STK17B: variants seen among roughly 807,000 people sequenced by gnomAD.
STK17B encodes serine/threonine kinase 17b, also known as serine/threonine-protein kinase 17B.
In STK17B, 21 loss-of-function variants were observed where a neutral mutation model predicts 42.0. The observed-to-expected ratio is 0.50, with a 90% CI of 0.35 to 0.72. The LOEUF (loss-of-function observed/expected upper bound fraction) is 0.72, where lower values mean the gene tolerates loss of function less well. Ranked by LOEUF, STK17B falls within the 30% of genes least tolerant of loss-of-function variation. The probability of loss-of-function intolerance (pLI) is 0.00; values close to 1 mark genes in which losing one functional copy is unlikely to be tolerated. For missense variants in STK17B, 349 were observed against 446.0 expected (o/e 0.78, Z 1.96); for synonymous variants, 143 against 148.4 (o/e 0.96, Z 0.26).
chr2:196,161,158 C>T (rs568829225), intron 2 of STK17B, among the ~76,000 whole-genome samples: 35 of 151,986 alleles, frequency 2.3e-4, no homozygotes, highest in African/African-American at 7.5e-4. Context: ...ACAGTTTGTT[C>T]GGGAAATTAT....
At chr2:196,154,668 T>C (rs957438809) in intron 3 of STK17B, 3 of 152,236 alleles carry the variant, frequency 2.0e-5, no homozygotes, top group African/African-American at 4.8e-5. Context: ...GACTGGGTGA[T>C]AGTTATTAAA....
chr2:196,138,627 G>C (rs562129126), intron 7 of STK17B, among the ~76,000 whole-genome samples: 49 of 151,780 alleles, frequency 3.2e-4, no homozygotes, highest in Non-Finnish European at 6.5e-4. Context: ...CCAGGCTGGA[G>C]TGCAGTGGTG....
chr2:196,134,823 C>G lies in STK17B; in HGVS notation c.*2624G>C. 1 of 152,212 alleles carries G rather than the reference C, an allele frequency of 6.6e-6. No individual in the cohort carries two copies. The highest frequency in any genetic ancestry group is 2.1e-4 in the South Asian group (1 of 4,838). The allele number at this position is 152,212 out of a possible 1,614,324, so 9.4% of individuals were successfully genotyped here. A position where few individuals can be genotyped will look rare whatever the true frequency, so the allele number is the denominator to read the frequency against. On this transcript the variant is annotated 3_prime_UTR_variant, in exon 8 of 8. Transcript: ENST00000263955. ...ACTGACATTTGTCCACTCACAGGGG[C>G]TCTCTAGATTCCTACTTTAGAGAAA...
Position 196,136,526 on chromosome 2 carries a change from T to A in STK17B, c.*921A>T, listed in dbSNP as rs1430217278. 6.6e-6 allele frequency: 1 copy of A among 152,382 alleles called. No individual in the cohort carries two copies. The highest frequency in any genetic ancestry group is 1.5e-5 in the Non-Finnish European group (1 of 68,040). The allele number at this position is 152,382 out of a possible 1,614,324, so 9.4% of individuals were successfully genotyped here. A position where few individuals can be genotyped will look rare whatever the true frequency, so the allele number is the denominator to read the frequency against. On this transcript the variant is annotated 3_prime_UTR_variant, in exon 8 of 8. Coordinates refer to ENST00000263955, the MANE Select transcript of STK17B (RefSeq NM_004226.4). ...GCATACTTTTAGAACTCTGAATGAC[T>A]GGCTTGTATTCTAAGATGCAGAAGA...
chr2:196,145,459 A>G (rs898650712), intron 4 of STK17B, among the ~76,000 whole-genome samples: 7 of 152,190 alleles, frequency 4.6e-5, no homozygotes, highest in African/African-American at 1.4e-4. Context: ...AGCCTGAACG[A>G]TCTGGAAGAA....
chr2:196,136,261 G>GA lies in STK17B; in HGVS notation c.*1185dup, dbSNP rs1177362589. On this transcript the variant is annotated 3_prime_UTR_variant, in exon 8 of 8. Transcript: ENST00000263955. ...CTAACTTTCCCCATCATTAGGGCTGGATATAGTCTCTAGCCATAAGCAAAC... is the reference window on the plus strand; with the variant it reads ...CTAACTTTCCCCATCATTAGGGCTGGAATATAGTCTCTAGCCATAAGCAAAC... The GA allele has an allele frequency of 6.6e-6, 1 of 152,156 alleles. No individual in the cohort carries two copies. Among genetic ancestry groups the GA allele is most frequent in the Non-Finnish European group, 1.5e-5 (1 of 68,046 alleles). The allele number at this position is 152,156 out of a possible 1,614,324, so 9.4% of individuals were successfully genotyped here.
intron 2 of STK17B, among the ~76,000 whole-genome samples, chr2:196,158,799 C>G (rs1304918105): frequency 2.6e-5 from 4 of 152,022 alleles, no homozygotes; most frequent in Non-Finnish European, 4.4e-5. Flanking sequence ...ATCCAGAGGT[C>G]AGGAGATCAA....
At chr2:196,166,740 C>T (rs941793411) in intron 1 of STK17B, among the ~76,000 whole-genome samples, 1 of 152,130 alleles carries the variant, frequency 6.6e-6, no homozygotes, top group Non-Finnish European at 1.5e-5. Flanking sequence ...TCTGGGCCTT[C>T]ACTTACTTGA....
At chr2:196,171,806 G>A (rs1699950355), upstream of STK17B, among the ~76,000 whole-genome samples, 1 of 148,430 alleles carries the variant, frequency 6.7e-6, no homozygotes, top group Admixed American at 6.7e-5. Context: ...CAGGTGGGGC[G>A]CACTCGGGCT....
At chr2:196,164,766 C>T (rs772712002) in intron 1 of STK17B, among the ~76,000 whole-genome samples, 33 of 152,114 alleles carry the variant, frequency 2.2e-4, no homozygotes, top group Non-Finnish European at 4.0e-4. Context: ...ATTATGAACG[C>T]GTCACTGCAG....
chr2:196,172,623 G>T (rs1209270831), upstream of STK17B, among the ~76,000 whole-genome samples: 1 of 152,164 alleles, frequency 6.6e-6, no homozygotes, highest in Non-Finnish European at 1.5e-5. Context: ...CTTTCCTACT[G>T]CATTTTCCCC....
chr2:196,156,779 T>C, intron 2 of STK17B, 128 bp from the exon 3 acceptor site: 1 of 743,628 alleles, frequency 1.3e-6, no homozygotes, highest in African/African-American at 1.7e-5. Context: ...GGAATTTATC[T>C]TTGTTCTCTA....
At chr2:196,142,305 G>C (rs10184485) in intron 5 of STK17B, among the ~76,000 whole-genome samples, 97,602 of 152,038 alleles carry the variant, frequency 0.64, 31,641 homozygotes, top group East Asian at 0.9. Flanking sequence ...TGATCCACTC[G>C]CCTTGGCCTC....
rs1054537 is a variant in STK17B, at chr2:196,139,715, A to G, written c.741T>C (p.Ile247=). The stretch of plus-strand genomic sequence containing the variant: ...CCGAATAATCTACATTAACTTGAGA[A>G]ATATTGAGGTATGTTTCTTGATTAT... ...GEDNQETYLN[I]SQVNVDYSEE... The change falls in exon 7 of 8, where the codon ATT becomes ATC. Residue 247 remains isoleucine (I), a synonymous_variant. Transcript: ENST00000263955. 944,679 of 1,460,434 alleles carry G rather than the reference A, an allele frequency of 0.65. 308,793 individuals are homozygous for G. Among genetic ancestry groups the G allele is most frequent in the East Asian group, 0.92 (35,252 of 38,486 alleles). 90.5% of individuals were successfully genotyped at this position (1,460,434 alleles called of 1,614,324 possible). A position where few individuals can be genotyped will look rare whatever the true frequency, so the allele number is the denominator to read the frequency against.
chr2:196,155,754 T>C (rs991151253), intron 3 of STK17B, among the ~76,000 whole-genome samples: 3 of 152,192 alleles, frequency 2.0e-5, no homozygotes, highest in African/African-American at 7.2e-5. Flanking sequence ...AAAGGCACTC[T>C]GTAAGAGTCA....
At chr2:196,159,301 C>A in intron 2 of STK17B, among the ~76,000 whole-genome samples, 1 of 140,848 alleles carries the variant, frequency 7.1e-6, no homozygotes. Flanking sequence ...CCAGGTATTA[C>A]CAAGAGGTTG....
At chr2:196,164,030 T>C (rs1247675682) in intron 1 of STK17B, among the ~76,000 whole-genome samples, 1 of 126,428 alleles carries the variant, frequency 7.9e-6, no homozygotes, top group African/African-American at 3.4e-5. Flanking sequence ...TAAAGCGAGA[T>C]CTTATCTCAA....
At chr2:196,175,362 A>C (rs1044206194), upstream of STK17B, among the ~76,000 whole-genome samples, 37 of 152,364 alleles carry the variant, frequency 2.4e-4, no homozygotes, top group African/African-American at 8.7e-4. Flanking sequence ...GTGGTGGCTC[A>C]TATCTGTAAT....
At chr2:196,147,734 A>ATTTTTTTTTTTTTTTTTTTTT (rs200152797) in intron 3 of STK17B, among the ~76,000 whole-genome samples, 1 of 145,430 alleles carries the variant, frequency 6.9e-6, no homozygotes. Flanking sequence ...GAGACATAAT[A>ATTTTTTTTTTTTTTTTTTTTT]TATTTTTTTT....
Sources: allele counts gnomAD v4.1 joint callset (sites outside exome capture counted in the v4.1 genomes callset), GRCh38; gene constraint gnomAD v4.1.1; transcripts MANE v1.5; gene names NCBI Gene and HGNC (gene_info 2026-07-23, HGNC 2026-07-21).